The following RBM33 variants were observed in gnomAD, a reference collection of about 807,000 sequenced individuals.
RBM33 encodes the protein RNA binding motif protein 33.
Under a neutral mutation model 132.6 loss-of-function variants are expected in RBM33, and 28 were observed. The observed-to-expected ratio is 0.21, with a 90% CI of 0.16 to 0.29. RBM33 has a LOEUF of 0.29. Among genes scored for constraint, RBM33 ranks in the 10% least tolerant of loss-of-function variants. The probability of loss-of-function intolerance (pLI) is 1.00; values close to 1 mark genes in which losing one functional copy is unlikely to be tolerated. For missense variants in RBM33, 1,291 were observed against 1,518.5 expected (o/e 0.85, Z 2.49); for synonymous variants, 634 against 593.0 (o/e 1.07, Z -1.01).
rs1156420489 is a variant in RBM33, at chr7:155,680,927, G to A, written c.567+19G>A. The A allele has an allele frequency of 1.9e-6, 3 of 1,596,462 alleles. No individual in the cohort carries two copies. The highest frequency in any genetic ancestry group is 2.6e-6 in the Non-Finnish European group (3 of 1,168,228). ...ATTTACAGTGAGTCTTTTCTCCTTT[G>A]TATGGCCAAAGATAACCTGGCTTCC... On this transcript the variant is annotated intron_variant, in intron 5 of 17. Coordinates refer to ENST00000401878, the MANE Select transcript of RBM33 (RefSeq NM_053043.3).
In RBM33 at chr7:155,738,185, A is replaced by G; in HGVS notation, c.1519A>G (p.Thr507Ala). The stretch of plus-strand genomic sequence containing the variant: ...TCCTACTCAGAGTCCTCTACCATTC[A>G]CTCAGCCAGGACCAGCATTTAATCA... The part of the protein sequence containing the change: ...PVPTQSPLPF[T>A]QPGPAFNQQG... Residue 507 changes from threonine (T) to alanine (A), a missense_variant, in exon 11 of 18, where the codon ACT becomes GCT. Around this residue, in one of 7 missense-constraint regions of RBM33, gnomAD observed 841 missense variants for 912.0 expected, o/e 0.92. Coordinates refer to ENST00000401878, the MANE Select transcript of RBM33 (RefSeq NM_053043.3). 6.2e-7 allele frequency: 1 copy of G among 1,613,774 alleles called. No individual in the cohort carries two copies.
chr7:155,741,502 A>G (rs1030041683), intron 12 of RBM33, among the ~76,000 whole-genome samples: 5 of 152,140 alleles, frequency 3.3e-5, no homozygotes, highest in African/African-American at 1.2e-4. Flanking sequence ...TAATTCTTTT[A>G]AAACTGTCAG....
At position 155,742,084 on chromosome 7, in the gene RBM33, A is replaced by G; in HGVS notation, c.2315A>G (p.Glu772Gly). The change falls in exon 13 of 18, where the codon GAA (glutamate) becomes GGA (glycine). Residue 772 changes from glutamate to glycine, a missense_variant. Glu to Gly is a moderately conservative substitution (Grantham distance 98). Around this residue, in one of 7 missense-constraint regions of RBM33, gnomAD observed 841 missense variants for 912.0 expected, o/e 0.92. Coordinates refer to ENST00000401878, the MANE Select transcript of RBM33 (RefSeq NM_053043.3). ...KPASPVAQPK[E>G]EAKTETEFPD... The stretch of plus-strand genomic sequence containing the variant: ...GCTAGCCCTGTGGCTCAACCTAAAG[A>G]AGAGGCAAAAACAGAAACAGAGGTA... The G allele has an allele frequency of 6.2e-7, 1 of 1,613,448 alleles. No homozygotes were observed. The highest frequency in any genetic ancestry group is 1.7e-5 in the Admixed American group (1 of 59,988).
intron 3 of RBM33, among the ~76,000 whole-genome samples, chr7:155,675,800 T>C (rs754367252): frequency 6.6e-6 from 1 of 152,198 alleles, no homozygotes; most frequent in Non-Finnish European, 1.5e-5. Context: ...TTGTCTTGTA[T>C]TGCCAATTTA....
intron 12 of RBM33, among the ~76,000 whole-genome samples, chr7:155,740,230 C>A (rs554020547): frequency 6.2e-4 from 94 of 152,312 alleles, no homozygotes; most frequent in African/African-American, 2.2e-3. Context: ...TGATAAGATA[C>A]TCCTTTTGTG....
rs578087473 is a variant in RBM33, at chr7:155,755,313, G to C, written c.2980-8499G>C. Among the ~76,000 whole-genome samples the C allele has an allele frequency of 7.2e-5, 11 of 152,314 alleles. No homozygotes were observed. In the South Asian group the frequency reaches 2.3e-3, roughly 32 times the overall value. ...CTGTCCTTCTGTGTGTCCTGACAAT[G>C]TTATCTGTCCTCTCAGTATGGAGTA... On this transcript the variant is annotated intron_variant, in intron 14 of 17. Coordinates refer to ENST00000401878, the MANE Select transcript of RBM33 (RefSeq NM_053043.3).
At chr7:155,675,377 C>A (rs1210044669) in intron 3 of RBM33, among the ~76,000 whole-genome samples, 1 of 151,692 alleles carries the variant, frequency 6.6e-6, no homozygotes, top group Non-Finnish European at 1.5e-5. Flanking sequence ...GGCATTTCTC[C>A]CTTGTCATTA....
intron 3 of RBM33, among the ~76,000 whole-genome samples, chr7:155,673,943 T>TTGTTTTTTTTTTTTTTTTTTTTG (rs1563138289): frequency 5.8e-5 from 1 of 17,316 alleles, no homozygotes; most frequent in African/African-American, 2.5e-4. Flanking sequence ...AGGCTTAGTT[T>TTGTTTTTTTTTTTTTTTTTTTTG]TTTTTTTTTT....
intron 5 of RBM33, among the ~76,000 whole-genome samples, chr7:155,682,847 G>C (rs999089320): frequency 6.6e-6 from 1 of 152,180 alleles, no homozygotes; most frequent in Non-Finnish European, 1.5e-5. Context: ...TGTCAAACTT[G>C]AGATTACACA....
At chr7:155,687,762 G>T (rs967357551) in intron 5 of RBM33, among the ~76,000 whole-genome samples, 7 of 152,150 alleles carry the variant, frequency 4.6e-5, no homozygotes, top group African/African-American at 1.7e-4. Context: ...GTTTTTGTCA[G>T]GTTTGTCAAA....
chr7:155,738,658 A>G (rs1252108665), intron 11 of RBM33: 3 of 465,064 alleles, frequency 6.5e-6, no homozygotes, highest in East Asian at 3.7e-5. Context: ...TAAAGGGTAT[A>G]CTACTAATAA....
At chr7:155,773,280 C>A (rs1025671406) in intron 16 of RBM33, among the ~76,000 whole-genome samples, 1 of 152,050 alleles carries the variant, frequency 6.6e-6, no homozygotes, top group African/African-American at 2.4e-5. Context: ...TTAGAAGAAT[C>A]GGGCACCAGG....
intron 1 of RBM33, among the ~76,000 whole-genome samples, chr7:155,648,956 T>C (rs1163949235): frequency 6.6e-6 from 1 of 152,234 alleles, no homozygotes; most frequent in African/African-American, 2.4e-5. Flanking sequence ...TGGCTTTTGA[T>C]AGTGTGATCA....
intron 1 of RBM33, among the ~76,000 whole-genome samples, chr7:155,664,632 C>G (rs1040390405): frequency 6.6e-6 from 1 of 152,040 alleles, no homozygotes; most frequent in African/African-American, 2.4e-5. Flanking sequence ...GTTAAAATAT[C>G]GTCTGTTGAA....
intron 5 of RBM33, among the ~76,000 whole-genome samples, chr7:155,688,440 C>T (rs577978322): frequency 5.1e-4 from 77 of 152,260 alleles, no homozygotes; most frequent in African/African-American, 1.8e-3. Flanking sequence ...AATTTGACTT[C>T]CTCTTTTCCT....
intron 12 of RBM33, among the ~76,000 whole-genome samples, chr7:155,740,686 T>C (rs1387139233): frequency 6.6e-6 from 1 of 152,262 alleles, no homozygotes; most frequent in Non-Finnish European, 1.5e-5. Context: ...ATTGCCCTTG[T>C]CCTCCATTAA....
intron 1 of RBM33, among the ~76,000 whole-genome samples, chr7:155,650,949 C>T (rs1161217612): frequency 1.3e-5 from 2 of 152,164 alleles, no homozygotes; most frequent in Non-Finnish European, 2.9e-5. Flanking sequence ...GTGATCTCAG[C>T]TCACTGCCAC....
At chr7:155,655,067 A>G (rs1798455165) in intron 1 of RBM33, among the ~76,000 whole-genome samples, 1 of 152,228 alleles carries the variant, frequency 6.6e-6, no homozygotes, top group African/African-American at 2.4e-5. Context: ...TAAAAGTTTA[A>G]GGAAGAATAA....
At chr7:155,677,198 C>T (rs991238521) in intron 3 of RBM33, among the ~76,000 whole-genome samples, 2 of 149,030 alleles carry the variant, frequency 1.3e-5, no homozygotes, top group African/African-American at 2.5e-5. Context: ...GGTCACCTAA[C>T]GGAAACTTCA....
Sources: allele counts gnomAD v4.1 joint callset (sites outside exome capture counted in the v4.1 genomes callset), GRCh38; gene constraint gnomAD v4.1.1; regional missense constraint gnomAD v4.1.1; transcripts MANE v1.5; gene names NCBI Gene and HGNC (gene_info 2026-07-23, HGNC 2026-07-21).